FAM24A: variants seen among roughly 807,000 people sequenced by gnomAD.
The protein encoded by FAM24A is protein FAM24A.
In FAM24A, 2 loss-of-function variants were observed where a neutral mutation model predicts 2.8. The ratio of observed to expected loss-of-function variants is 0.73; its 90% confidence interval spans 0.30 to 2.28. The LOEUF (loss-of-function observed/expected upper bound fraction) is 2.28, where lower values mean the gene tolerates loss of function less well. Among genes scored for constraint, FAM24A ranks in the 30% most tolerant of loss-of-function variants. The pLI, the probability that FAM24A is intolerant of heterozygous loss-of-function variation, is 0.12. For synonymous variants in FAM24A, 46 were observed against 47.5 expected, an observed-to-expected ratio of 0.97 and a Z score of 0.13; for missense variants, 109 against 132.0, an observed-to-expected ratio of 0.83 and a Z score of 0.85.
In FAM24A at chr10:122,912,932, GT is replaced by G. The variant is rs1564715123; in HGVS notation, c.297del (p.Cys99TrpfsTer3). The G allele has an allele frequency of 6.2e-7, 1 of 1,609,706 alleles. No individual in the cohort carries two copies. Among genetic ancestry groups the G allele is most frequent in the East Asian group, 2.2e-5 (1 of 44,856 alleles). On this transcript the variant is annotated frameshift_variant, in exon 3 of 3. Transcript: ENST00000368894. LOFTEE classifies it high-confidence loss of function. ...ASSDSLPPCC[C>X]DINEGL ...TCTGATTCCCTGCCACCTTGCTGTTGTGACATAAATGAGGGCCTCTGACTTG... is the reference window on the plus strand; with the variant it reads ...TCTGATTCCCTGCCACCTTGCTGTTGGACATAAATGAGGGCCTCTGACTTG...
At chr10:122,911,243 A>T (rs1216944746) in intron 1 of FAM24A, among the ~76,000 whole-genome samples, 1 of 152,170 alleles carries the variant, frequency 6.6e-6, no homozygotes, top group Non-Finnish European at 1.5e-5. Flanking sequence ...TCATAAAATA[A>T]TTTTAAACCT....
chr10:122,911,102 A>T (rs1178289657), intron 1 of FAM24A, among the ~76,000 whole-genome samples: 5 of 152,174 alleles, frequency 3.3e-5, no homozygotes, highest in African/African-American at 1.2e-4. Context: ...AATCTCCTTA[A>T]ACCCTGAGAT....
intron 1 of FAM24A, 124 bp downstream of exon 1, chr10:122,910,943 T>C (rs1188876819): frequency 1.3e-5 from 2 of 152,170 alleles, no homozygotes; most frequent in Non-Finnish European, 2.9e-5. Context: ...GAGAATTTAG[T>C]ATTTACTAGG....
intron 2 of FAM24A, 72 bp downstream of exon 2, chr10:122,911,831 C>A: frequency 6.3e-7 from 1 of 1,585,156 alleles, no homozygotes; most frequent in South Asian, 1.1e-5. Context: ...TGAGCAAGGT[C>A]ATTCCTTTCT....
rs554173755 is a variant in FAM24A, at chr10:122,911,969, G to A, written c.125+210G>A. Among the ~76,000 whole-genome samples the A allele has an allele frequency of 3.3e-5, 5 of 152,288 alleles. No individual in the cohort carries two copies. In the East Asian group the frequency reaches 7.7e-4, roughly 24 times the overall value. ...GTTTGTAGAATGTTCTCAGTTTAAG[G>A]CTGTGAGTGTCAGTGGTGCTTGGCT... On this transcript the variant is annotated intron_variant, in intron 2 of 2. Transcript: ENST00000368894.
rs1378945193 is a variant in FAM24A, at chr10:122,910,704, C to A, written c.-118C>A. On this transcript the variant is annotated 5_prime_UTR_variant, in exon 1 of 3. Coordinates refer to ENST00000368894, the MANE Select transcript of FAM24A (RefSeq NM_001029888.3). ...ACTCCTAGCAGGGATAATTAGGTCC[C>A]TCTTTCTCAGATTACAGGTTTGAGA... is the stretch of plus-strand genomic sequence containing the variant. The A allele has an allele frequency of 1.3e-5, 2 of 152,246 alleles. No homozygotes were observed. The highest frequency in any genetic ancestry group is 4.8e-5 in the African/African-American group (2 of 41,530). The allele number at this position is 152,246 out of a possible 1,614,324, so 9.4% of individuals were successfully genotyped here. A position where few individuals can be genotyped will look rare whatever the true frequency, so the allele number is the denominator to read the frequency against.
intron 1 of FAM24A, 122 bp downstream of exon 1, chr10:122,910,941 A>C (rs1281067917): frequency 2.6e-5 from 4 of 152,186 alleles, no homozygotes; most frequent in Non-Finnish European, 5.9e-5. Flanking sequence ...GGGAGAATTT[A>C]GTATTTACTA....
chr10:122,912,892 A>T lies in FAM24A; in HGVS notation c.256A>T (p.Arg86Ter), dbSNP rs1222578142. The T allele has an allele frequency of 6.2e-7, 1 of 1,614,170 alleles. No homozygotes were observed. The highest frequency in any genetic ancestry group is 8.5e-7 in the Non-Finnish European group (1 of 1,180,018). Residue 86 changes from arginine to a stop codon, truncating the protein, a stop_gained, in exon 3 of 3, where the codon AGA (arginine) becomes TGA (stop). Coordinates refer to ENST00000368894, the MANE Select transcript of FAM24A (RefSeq NM_001029888.3). LOFTEE classifies it low-confidence loss of function (END_TRUNC). ...ATCTCTCCAGTGCTGTGAAGGTTGT[A>T]GAATGCATGCCAGTTCTGATTCCCT... ...CPSLQCCEGC[R>*]MHASSDSLPP...
chr10:122,912,825 C>T lies in FAM24A; in HGVS notation c.189C>T (p.Ala63=), dbSNP rs1405021932. 6.2e-7 allele frequency: 1 copy of T among 1,614,146 alleles called. No homozygotes were observed. Among genetic ancestry groups the T allele is most frequent in the East Asian group, 2.2e-5 (1 of 44,878 alleles). Residue 63 remains alanine (A), a synonymous_variant, in exon 3 of 3, where the codon GCC becomes GCT. Coordinates refer to ENST00000368894, the MANE Select transcript of FAM24A (RefSeq NM_001029888.3). The stretch of plus-strand genomic sequence containing the variant: ...ACAACCCAGACAAGGTGTGTTGGGC[C>T]ACGAACAGCCAGGCCAAAGCCACCA... ...KNHNPDKVCW[A]TNSQAKATTM... is the part of the protein sequence containing the mutation.
At chr10:122,912,124 G>C (rs753958725) in intron 2 of FAM24A, among the ~76,000 whole-genome samples, 2 of 152,176 alleles carry the variant, frequency 1.3e-5, no homozygotes, top group African/African-American at 4.8e-5. Context: ...CCTGGGCACC[G>C]TAGGCTGAAG....
chr10:122,912,101 G>A (rs1241432610), intron 2 of FAM24A, among the ~76,000 whole-genome samples: 1 of 152,102 alleles, frequency 6.6e-6, no homozygotes, highest in Non-Finnish European at 1.5e-5. Context: ...TCAGCACCTT[G>A]GCCAGTACCT....
In FAM24A at chr10:122,913,018, T is replaced by C. The variant is rs1042219448; in HGVS notation, c.*64T>C. 14 of 1,451,134 alleles carry C rather than the reference T, an allele frequency of 9.6e-6. No homozygotes were observed. In the African/African-American group the frequency reaches 1.8e-4, roughly 19 times the overall value. 89.9% of individuals were successfully genotyped at this position (1,451,134 alleles called of 1,614,324 possible). A position where few individuals can be genotyped will look rare whatever the true frequency, so the allele number is the denominator to read the frequency against. On this transcript the variant is annotated 3_prime_UTR_variant, in exon 3 of 3. Transcript: ENST00000368894. ...TTTCTTTCTTAATAGAATGTTTTAT[T>C]ATTCAAGTCAAGTTCTAGAGTGTTT...
rs769230464 is a variant in FAM24A at position 122,913,003 on chromosome 10, A to C, written c.*49A>C. 9.4e-5 allele frequency: 142 copies of C among 1,513,654 alleles called. No individual in the cohort carries two copies. The highest frequency in any genetic ancestry group is 1.2e-4 in the Non-Finnish European group (138 of 1,116,668). 93.8% of individuals were successfully genotyped at this position (1,513,654 alleles called of 1,614,324 possible). A position where few individuals can be genotyped will look rare whatever the true frequency, so the allele number is the denominator to read the frequency against. ...TCTTCATGAGCAATATTTCTTTCTT[A>C]ATAGAATGTTTTATTATTCAAGTCA... On this transcript the variant is annotated 3_prime_UTR_variant, in exon 3 of 3. Coordinates refer to ENST00000368894, the MANE Select transcript of FAM24A (RefSeq NM_001029888.3).
chr10:122,912,207 C>A (rs1301002950), intron 2 of FAM24A, among the ~76,000 whole-genome samples: 4 of 152,196 alleles, frequency 2.6e-5, no homozygotes, highest in Non-Finnish European at 5.9e-5. Context: ...TTGATCTCCT[C>A]TTGCCTGAGT....
At position 122,912,857 on chromosome 10, in the gene FAM24A, A is replaced by G; in HGVS notation, c.221A>G (p.Glu74Gly). 6 of 1,614,132 alleles carry G rather than the reference A, an allele frequency of 3.7e-6. No individual in the cohort carries two copies. The highest frequency in any genetic ancestry group is 4.2e-6 in the Non-Finnish European group (5 of 1,180,014). ...TNSQAKATTM[E>G]SCPSLQCCEG... ...AGCCAGGCCAAAGCCACCACCATGG[A>G]GTCTTGTCCATCTCTCCAGTGCTGT... Residue 74 changes from glutamate to glycine, a missense_variant, in exon 3 of 3, where the codon GAG (glutamate) becomes GGG (glycine). Physicochemically the swap from Glu to Gly is moderately conservative, Grantham distance 98 (BLOSUM62 -2). Coordinates refer to ENST00000368894, the MANE Select transcript of FAM24A (RefSeq NM_001029888.3).
chr10:122,910,973 C>A (rs1283380935), intron 1 of FAM24A, among the ~76,000 whole-genome samples, 154 bp downstream of exon 1: 6 of 152,022 alleles, frequency 3.9e-5, no homozygotes, highest in Non-Finnish European at 8.8e-5. Context: ...AGAGGTAGGC[C>A]TATGGTCTAC....
At position 122,912,745 on chromosome 10, in the gene FAM24A, G is replaced by T. The variant is rs781684679; in HGVS notation, c.126-17G>T. On this transcript the variant is annotated splice_polypyrimidine_tract_variant and intron_variant, in intron 2 of 2. Transcript: ENST00000368894. ...AAGAAAAATTCTAAGCCTGAGCTTTGTGTGTCTTTTCTTAAGAGCTGCAAA... is the reference window on the plus strand; with the variant it reads ...AAGAAAAATTCTAAGCCTGAGCTTTTTGTGTCTTTTCTTAAGAGCTGCAAA... The T allele has an allele frequency of 2.8e-5, 44 of 1,599,922 alleles. No homozygotes were observed. Among genetic ancestry groups the T allele is most frequent in the Non-Finnish European group, 3.7e-5 (43 of 1,174,876 alleles).
At chr10:122,911,301 A>C (rs1398880259) in intron 1 of FAM24A, among the ~76,000 whole-genome samples, 1 of 152,128 alleles carries the variant, frequency 6.6e-6, no homozygotes, top group Non-Finnish European at 1.5e-5. Flanking sequence ...AACATATTTC[A>C]GGGCCCAGGT....
intron 1 of FAM24A, 62 bp from the exon 2 acceptor site, chr10:122,911,571 G>A (rs1848318922): frequency 8.1e-6 from 13 of 1,597,052 alleles, no homozygotes; most frequent in Non-Finnish European, 1.0e-5. Context: ...ACTAACGGAA[G>A]GTTGTTTAGT....
Sources: allele counts gnomAD v4.1 joint callset (sites outside exome capture counted in the v4.1 genomes callset), GRCh38; gene constraint gnomAD v4.1.1; transcripts MANE v1.5; gene names NCBI Gene and HGNC (gene_info 2026-07-23, HGNC 2026-07-21).